Variants in IER5L observed in about 807,000 individuals in gnomAD.
IER5L encodes immediate early response gene 5-like protein.
In IER5L, 6 loss-of-function variants were observed where a neutral mutation model predicts 28.3. The ratio of observed to expected loss-of-function variants is 0.21; its 90% confidence interval spans 0.12 to 0.42. The LOEUF (loss-of-function observed/expected upper bound fraction) is 0.42, where lower values mean the gene tolerates loss of function less well. Among genes scored for constraint, IER5L ranks in the 10% least tolerant of loss-of-function variants. The probability of loss-of-function intolerance (pLI) is 1.00; values close to 1 mark genes in which losing one functional copy is unlikely to be tolerated. For synonymous variants in IER5L, 351 were observed against 282.5 expected, an observed-to-expected ratio of 1.24 and a Z score of -2.43; for missense variants, 607 against 575.2, an observed-to-expected ratio of 1.06 and a Z score of -0.56.
rs541580580 is a variant in IER5L at position 129,176,135 on chromosome 9, G to C, written c.*703C>G. On this transcript the variant is annotated 3_prime_UTR_variant, in exon 1 of 1. Transcript: ENST00000372491. Reference sequence around the variant, plus strand: ...CACCCCCGAGTCCGGGAGACGGGTGGAGGAGGGGAGGAGAACGGAGCCAGA... The same window carrying C: ...CACCCCCGAGTCCGGGAGACGGGTGCAGGAGGGGAGGAGAACGGAGCCAGA... The C allele has an allele frequency of 5.3e-5, 8 of 152,048 alleles. No individual in the cohort carries two copies. The highest frequency in any genetic ancestry group is 1.9e-4 in the African/African-American group (8 of 41,468). The allele number at this position is 152,048 out of a possible 1,614,324, so 9.4% of individuals were successfully genotyped here.
At position 129,176,809 on chromosome 9, in the gene IER5L, G is replaced by A. The variant is rs1266880206; in HGVS notation, c.*29C>T. On this transcript the variant is annotated 3_prime_UTR_variant, in exon 1 of 1. Coordinates refer to ENST00000372491, the MANE Select transcript of IER5L (RefSeq NM_203434.3). ...CTTTGTCTGGCCCCAGCCCCGCGGG[G>A]CCCCGGGTCCCTGTGCCCTCGGGGG... The A allele has an allele frequency of 1.3e-6, 2 of 1,513,860 alleles. No individual in the cohort carries two copies. The highest frequency in any genetic ancestry group is 1.8e-6 in the Non-Finnish European group (2 of 1,136,786). The allele number at this position is 1,513,860 out of a possible 1,614,324, so 93.8% of individuals were successfully genotyped here. A position where few individuals can be genotyped will look rare whatever the true frequency, so the allele number is the denominator to read the frequency against.
At position 129,176,718 on chromosome 9, in the gene IER5L, C is replaced by G. The variant is rs1829408573; in HGVS notation, c.*120G>C. On this transcript the variant is annotated 3_prime_UTR_variant, in exon 1 of 1. Coordinates refer to ENST00000372491, the MANE Select transcript of IER5L (RefSeq NM_203434.3). ...AAAACATCAGCCGCCTGCCCCCGCT[C>G]GCCCCCAGCTCAGCCCCGAGTGGCC... is the stretch of plus-strand genomic sequence containing the variant. 3 of 1,248,876 alleles carry G rather than the reference C, an allele frequency of 2.4e-6. No homozygotes were observed. The highest frequency in any genetic ancestry group is 2.1e-6 in the Non-Finnish European group (2 of 971,814). 77.4% of individuals were successfully genotyped at this position (1,248,876 alleles called of 1,614,324 possible).
In IER5L at chr9:129,177,785, C is replaced by G. The variant is rs780688289; in HGVS notation, c.268G>C (p.Gly90Arg). Residue 90 changes from glycine (G) to arginine (R), a missense_variant, in exon 1 of 1, where the codon GGC (glycine) becomes CGC (arginine). Transcript: ENST00000372491. ...CCGCCGCCGCCAAGTTGGAGCGGGC[C>G]GAAGTCGGCCGCGCTGGCCGGCATG... ...PGMPASAADF[G>R]PLQLGGGGDA... 1 of 1,489,332 alleles carries G rather than the reference C, an allele frequency of 6.7e-7. No homozygotes were observed. The highest frequency in any genetic ancestry group is 8.9e-7 in the Non-Finnish European group (1 of 1,125,360). The allele number at this position is 1,489,332 out of a possible 1,614,324, so 92.3% of individuals were successfully genotyped here.
In IER5L at chr9:129,177,764, C is replaced by T. The variant is rs1399840377; in HGVS notation, c.289G>A (p.Gly97Ser). 3.0e-5 allele frequency: 44 copies of T among 1,458,936 alleles called. No homozygotes were observed. The highest frequency in any genetic ancestry group is 3.6e-5 in the Non-Finnish European group (40 of 1,111,624). The allele number at this position is 1,458,936 out of a possible 1,614,324, so 90.4% of individuals were successfully genotyped here. Residue 97 changes from glycine (G) to serine (S), a missense_variant, in exon 1 of 1, where the codon GGC becomes AGC. Transcript: ENST00000372491. ...ADFGPLQLGG[G>S]GDAEAREPAA... ...GGCTCGCGCGCCTCCGCGTCCCCGC[C>T]GCCGCCAAGTTGGAGCGGGCCGAAG...
Position 129,176,874 on chromosome 9 carries a change from G to A in IER5L, c.1179C>T (p.Ser393=), listed in dbSNP as rs1322015140. ...CAATGGCTCGAGTCCAGGCGCCGAG[G>A]CTGGCGAGCGCCTGCTTGGCGCACA... is the stretch of plus-strand genomic sequence containing the variant. ...GQLCAKQALA[S]LGAWTRAIVA... is the part of the protein sequence containing the mutation. Residue 393 remains serine, a synonymous_variant, in exon 1 of 1, where the codon AGC becomes AGT. Transcript: ENST00000372491. 3.8e-6 allele frequency: 6 copies of A among 1,598,462 alleles called. No homozygotes were observed. The highest frequency in any genetic ancestry group is 1.1e-5 in the South Asian group (1 of 89,862).
In IER5L at chr9:129,177,711, G is replaced by GAGCTGGTGC. The variant is rs774910568; in HGVS notation, c.333_341dup (p.Gln119_His121dup). Reference sequence around the variant, plus strand: ...GGAGGTGCAGCTGGTGGAGCTGGTGGAGCTGGTGCAGCTGGTGCCGGGCGG... The same window carrying GAGCTGGTGC: ...GGAGGTGCAGCTGGTGGAGCTGGTGGAGCTGGTGCAGCTGGTGCAGCTGGTGCCGGGCGG... On this transcript the variant is annotated inframe_insertion, in exon 1 of 1. Transcript: ENST00000372491. The GAGCTGGTGC allele has an allele frequency of 3.5e-6, 5 of 1,431,950 alleles. No homozygotes were observed. The highest frequency in any genetic ancestry group is 1.4e-5 in the South Asian group (1 of 72,632). The allele number at this position is 1,431,950 out of a possible 1,614,324, so 88.7% of individuals were successfully genotyped here. A position where few individuals can be genotyped will look rare whatever the true frequency, so the allele number is the denominator to read the frequency against.
In IER5L at chr9:129,178,043, C is replaced by A; in HGVS notation, c.10G>T (p.Ala4Ser). The A allele has an allele frequency of 6.7e-7, 1 of 1,490,052 alleles. No individual in the cohort carries two copies. Among genetic ancestry groups the A allele is most frequent in the South Asian group, 1.3e-5 (1 of 76,648 alleles). 92.3% of individuals were successfully genotyped at this position (1,490,052 alleles called of 1,614,324 possible). A position where few individuals can be genotyped will look rare whatever the true frequency, so the allele number is the denominator to read the frequency against. MEC[A>S]LDAQSLISIS... Reference sequence around the variant, plus strand: ...CTGATCAGGCTCTGGGCGTCCAGGGCGCACTCCATGCTCCCGCGGAGACGG... The same window carrying A: ...CTGATCAGGCTCTGGGCGTCCAGGGAGCACTCCATGCTCCCGCGGAGACGG... The change falls in exon 1 of 1, where the codon GCC becomes TCC. Residue 4 changes from alanine to serine, a missense_variant. By Grantham distance (99) the Ala-to-Ser change is moderately conservative (BLOSUM62 1). Coordinates refer to ENST00000372491, the MANE Select transcript of IER5L (RefSeq NM_203434.3).
chr9:129,176,635 C>T lies in IER5L; in HGVS notation c.*203G>A, dbSNP rs1036671625. 1.5e-6 allele frequency: 1 copy of T among 686,250 alleles called. No individual in the cohort carries two copies. Among genetic ancestry groups the T allele is most frequent in the African/African-American group, 1.9e-5 (1 of 53,004 alleles). The allele number at this position is 686,250 out of a possible 1,614,324, so 42.5% of individuals were successfully genotyped here. A position where few individuals can be genotyped will look rare whatever the true frequency, so the allele number is the denominator to read the frequency against. On this transcript the variant is annotated 3_prime_UTR_variant, in exon 1 of 1. Coordinates refer to ENST00000372491, the MANE Select transcript of IER5L (RefSeq NM_203434.3). ...GCATACTTAAATAGGCGCTTTTTCT[C>T]TCTGCAAAAATAAAGTCCAAGATTT...
At position 129,177,281 on chromosome 9, in the gene IER5L, C is replaced by A; in HGVS notation, c.772G>T (p.Asp258Tyr). The change falls in exon 1 of 1, where the codon GAC becomes TAC. Residue 258 changes from aspartate (D) to tyrosine (Y), a missense_variant. Asp to Tyr is a radical substitution (Grantham distance 160). Transcript: ENST00000372491. ...LHCSSQTTVL[D>Y]LDTHVVTTVE... is the part of the protein sequence containing the mutation. ...GTGGTCACCACGTGAGTGTCTAGGT[C>A]CAGCACGGTGGTCTGGCTGCTGCAG... The A allele has an allele frequency of 6.8e-7, 1 of 1,468,914 alleles. No individual in the cohort carries two copies. The highest frequency in any genetic ancestry group is 8.9e-7 in the Non-Finnish European group (1 of 1,120,326). 91.0% of individuals were successfully genotyped at this position (1,468,914 alleles called of 1,614,324 possible).
chr9:129,176,196 C>T lies in IER5L; in HGVS notation c.*642G>A, dbSNP rs1829392698. On this transcript the variant is annotated 3_prime_UTR_variant, in exon 1 of 1. Coordinates refer to ENST00000372491, the MANE Select transcript of IER5L (RefSeq NM_203434.3). The stretch of plus-strand genomic sequence containing the variant: ...GAAGAGGGGTTCAAGACACCCGCCC[C>T]GGGAAGAAAAGAAAAAAAAAGTTGA... 1 of 151,958 alleles carries T rather than the reference C, an allele frequency of 6.6e-6. No individual in the cohort carries two copies. The highest frequency in any genetic ancestry group is 2.4e-5 in the African/African-American group (1 of 41,352). The allele number at this position is 151,958 out of a possible 1,614,324, so 9.4% of individuals were successfully genotyped here.
At position 129,177,106 on chromosome 9, in the gene IER5L, T is replaced by G; in HGVS notation, c.947A>C (p.Glu316Ala). The G allele has an allele frequency of 3.4e-6, 5 of 1,457,752 alleles. No individual in the cohort carries two copies. Among genetic ancestry groups the G allele is most frequent in the Non-Finnish European group, 4.5e-6 (5 of 1,106,872 alleles). 90.3% of individuals were successfully genotyped at this position (1,457,752 alleles called of 1,614,324 possible). A position where few individuals can be genotyped will look rare whatever the true frequency, so the allele number is the denominator to read the frequency against. ...PGQEEEEDDE[E>A]DAGGLGAEPP... Reference sequence around the variant, plus strand: ...CTCGGCCCCCAGCCCGCCCGCATCCTCCTCGTCGTCTTCCTCCTCCTCCTG... The same window carrying G: ...CTCGGCCCCCAGCCCGCCCGCATCCGCCTCGTCGTCTTCCTCCTCCTCCTG... Residue 316 changes from glutamate (E) to alanine (A), a missense_variant, in exon 1 of 1, where the codon GAG becomes GCG. Glu to Ala is a moderately radical substitution (Grantham distance 107, BLOSUM62 -1). Coordinates refer to ENST00000372491, the MANE Select transcript of IER5L (RefSeq NM_203434.3).
Position 129,177,279 on chromosome 9 carries a change from G to A in IER5L, c.774C>T (p.Asp258=), listed in dbSNP as rs1829423745. 1.4e-6 allele frequency: 2 copies of A among 1,468,832 alleles called. No homozygotes were observed. The highest frequency in any genetic ancestry group is 1.4e-5 in the South Asian group (1 of 70,532). The allele number at this position is 1,468,832 out of a possible 1,614,324, so 91.0% of individuals were successfully genotyped here. The change falls in exon 1 of 1, where the codon GAC becomes GAT. Residue 258 remains aspartate (D), a synonymous_variant. Coordinates refer to ENST00000372491, the MANE Select transcript of IER5L (RefSeq NM_203434.3). ...LHCSSQTTVL[D]LDTHVVTTVE... ...CCGTGGTCACCACGTGAGTGTCTAG[G>A]TCCAGCACGGTGGTCTGGCTGCTGC...
At position 129,177,808 on chromosome 9, in the gene IER5L, A is replaced by T. The variant is rs1829437791; in HGVS notation, c.245T>A (p.Met82Lys). Reference sequence around the variant, plus strand: ...GCCGAAGTCGGCCGCGCTGGCCGGCATGCCCGGCGCCGCGTACGCTAGGTG... The same window carrying T: ...GCCGAAGTCGGCCGCGCTGGCCGGCTTGCCCGGCGCCGCGTACGCTAGGTG... ...HQHLAYAAPG[M>K]PASAADFGPL... The change falls in exon 1 of 1, where the codon ATG becomes AAG. Residue 82 changes from methionine (M) to lysine (K), a missense_variant. By Grantham distance (95) the Met-to-Lys change is moderately conservative. Coordinates refer to ENST00000372491, the MANE Select transcript of IER5L (RefSeq NM_203434.3). The T allele has an allele frequency of 1.3e-6, 2 of 1,506,676 alleles. No individual in the cohort carries two copies. Among genetic ancestry groups the T allele is most frequent in the Non-Finnish European group, 8.8e-7 (1 of 1,131,766 alleles). The allele number at this position is 1,506,676 out of a possible 1,614,324, so 93.3% of individuals were successfully genotyped here.
In IER5L at chr9:129,177,011, G is replaced by T; in HGVS notation, c.1042C>A (p.Pro348Thr). ...RFEDFCPDSS[P>T]DASNISNLIS... ...AAGTTTGAGATGTTGGACGCGTCCG[G>T]GGACGAGTCCGGGCAGAAGTCCTCG... Residue 348 changes from proline (P) to threonine (T), a missense_variant, in exon 1 of 1, where the codon CCG (proline) becomes ACG (threonine). By Grantham distance (38) the Pro-to-Thr change is conservative (BLOSUM62 -1). Coordinates refer to ENST00000372491, the MANE Select transcript of IER5L (RefSeq NM_203434.3). 6.3e-7 allele frequency: 1 copy of T among 1,595,186 alleles called. No homozygotes were observed. Among genetic ancestry groups the T allele is most frequent in the Non-Finnish European group, 8.5e-7 (1 of 1,172,558 alleles).
chr9:129,176,934 G>C lies in IER5L; in HGVS notation c.1119C>G (p.Asp373Glu). The C allele has an allele frequency of 1.2e-6, 2 of 1,604,572 alleles. No homozygotes were observed. The highest frequency in any genetic ancestry group is 1.7e-6 in the Non-Finnish European group (2 of 1,176,944). ...TGAGCGGCGGCGGCTGCTCCGAGGA[G>C]TCCGGCTGTCGGCTCACCAGCCCCG... The part of the protein sequence containing the change: ...GFSGLVSRQP[D>E]SSEQPPPLNG... Residue 373 changes from aspartate to glutamate, a missense_variant, in exon 1 of 1, where the codon GAC becomes GAG. Asp to Glu is a conservative substitution (Grantham distance 45). Coordinates refer to ENST00000372491, the MANE Select transcript of IER5L (RefSeq NM_203434.3).
At position 129,178,216 on chromosome 9, in the gene IER5L, G is replaced by T; in HGVS notation, c.-164C>A. On this transcript the variant is annotated 5_prime_UTR_variant, in exon 1 of 1. Transcript: ENST00000372491. ...AAGGAGCCGCCACCATGCGCCGCGCGCCACCCGCGGGCTCGCGCTCCCCAG... is the reference window on the plus strand; with the variant it reads ...AAGGAGCCGCCACCATGCGCCGCGCTCCACCCGCGGGCTCGCGCTCCCCAG... 1.9e-6 allele frequency: 1 copy of T among 531,828 alleles called. No homozygotes were observed. The highest frequency in any genetic ancestry group is 2.9e-6 in the Non-Finnish European group (1 of 339,278). 32.9% of individuals were successfully genotyped at this position (531,828 alleles called of 1,614,324 possible).
chr9:129,177,726 G>T lies in IER5L; in HGVS notation c.327C>A (p.His109Gln). 1 of 1,444,430 alleles carries T rather than the reference G, an allele frequency of 6.9e-7. No individual in the cohort carries two copies. Among genetic ancestry groups the T allele is most frequent in the Non-Finnish European group, 9.1e-7 (1 of 1,103,388 alleles). The allele number at this position is 1,444,430 out of a possible 1,614,324, so 89.5% of individuals were successfully genotyped here. Reference sequence around the variant, plus strand: ...GGAGCTGGTGGAGCTGGTGCAGCTGGTGCCGGGCGGCCGGCTCGCGCGCCT... The same window carrying T: ...GGAGCTGGTGGAGCTGGTGCAGCTGTTGCCGGGCGGCCGGCTCGCGCGCCT... ...DAEAREPAAR[H>Q]QLHQLHQLHQ... The change falls in exon 1 of 1, where the codon CAC becomes CAA. Residue 109 changes from histidine to glutamine, a missense_variant. By Grantham distance (24) the His-to-Gln change is conservative. Coordinates refer to ENST00000372491, the MANE Select transcript of IER5L (RefSeq NM_203434.3).
In IER5L at chr9:129,178,064, GACGGCGGCGGAGCAGCC is replaced by G; in HGVS notation, c.-29_-13del. On this transcript the variant is annotated 5_prime_UTR_variant, in exon 1 of 1. Coordinates refer to ENST00000372491, the MANE Select transcript of IER5L (RefSeq NM_203434.3). ...AGGGCGCACTCCATGCTCCCGCGGA[GACGGCGGCGGAGCAGCC>G]GCCGCCGCTGCTGCTGTTAACGCTT... 7.1e-7 allele frequency: 1 copy of G among 1,403,578 alleles called. No individual in the cohort carries two copies. Among genetic ancestry groups the G allele is most frequent in the South Asian group, 1.6e-5 (1 of 63,224 alleles). 86.9% of individuals were successfully genotyped at this position (1,403,578 alleles called of 1,614,324 possible).
At position 129,177,395 on chromosome 9, in the gene IER5L, C is replaced by T. The variant is rs1293415459; in HGVS notation, c.658G>A (p.Ala220Thr). The change falls in exon 1 of 1, where the codon GCC becomes ACC. Residue 220 changes from alanine (A) to threonine (T), a missense_variant. Physicochemically the swap from Ala to Thr is moderately conservative, Grantham distance 58. Coordinates refer to ENST00000372491, the MANE Select transcript of IER5L (RefSeq NM_203434.3). The stretch of plus-strand genomic sequence containing the variant: ...GCCGGGGAGGCGGGCGGAGAAGCGG[C>T]GGCGGCCGGAGGGGCGGCCCCTGGG... ...APPGAAPPAA[A>T]ASPPASPAPA... 1.3e-5 allele frequency: 16 copies of T among 1,258,128 alleles called. No individual in the cohort carries two copies. In the African/African-American group the frequency reaches 2.3e-4, roughly 18 times the overall value. 77.9% of individuals were successfully genotyped at this position (1,258,128 alleles called of 1,614,324 possible). A position where few individuals can be genotyped will look rare whatever the true frequency, so the allele number is the denominator to read the frequency against.
Sources: gnomAD v4.1 joint callset for allele counts on GRCh38, gnomAD v4.1.1 for gene constraint, MANE v1.5 for transcripts, NCBI Gene and HGNC (gene_info 2026-07-23, HGNC 2026-07-21) for gene names.